Variants in RBFOX1 observed in about 807,000 individuals in gnomAD.
RBFOX1 encodes RNA binding fox-1 homolog 1, also known as RNA binding protein fox-1 homolog 1.
RBFOX1 carries 8 observed loss-of-function variants against 57.7 expected under a neutral mutation model. The observed-to-expected ratio is 0.14, with a 90% CI of 0.08 to 0.25. The LOEUF is 0.25. Among genes scored for constraint, RBFOX1 ranks in the 10% least tolerant of loss-of-function variants. The pLI is 1.00. For missense variants in RBFOX1, 611 were observed against 548.5 expected (o/e 1.11, Z -1.14); for synonymous variants, 326 against 222.4 (o/e 1.47, Z -4.15).
intron 10 of RBFOX1, chr16:7,614,584 C>T (rs1055451860): frequency 6.6e-6 from 1 of 152,156 alleles, no homozygotes; most frequent in Admixed American, 6.6e-5. Context: ...ACTGCTCCCC[C>T]CAAAAGCAGG....
rs2084162752 is a variant in RBFOX1, at chr16:7,712,580, T to C, written c.*1835T>C. The C allele has an allele frequency of 1.3e-5, 2 of 152,640 alleles. No individual in the cohort carries two copies. Among genetic ancestry groups the C allele is most frequent in the Admixed American group, 6.5e-5 (1 of 15,292 alleles). 9.5% of individuals were successfully genotyped at this position (152,640 alleles called of 1,614,324 possible). On this transcript the variant is annotated 3_prime_UTR_variant, in exon 16 of 16. Coordinates refer to ENST00000550418, the MANE Select transcript of RBFOX1 (RefSeq NM_018723.4). ...AAAAGGGGGAGGGGGGAGCTACTTA[T>C]CAGCCAAAAGCATATAAAGTGTTCT...
chr16:6,543,604 T>C (rs760590554), intron 2 of RBFOX1, among the ~76,000 whole-genome samples: 5 of 152,192 alleles, frequency 3.3e-5, no homozygotes, highest in African/African-American at 4.8e-5. Context: ...GCTGTTGTTT[T>C]GTTTTCCACT....
chr16:6,207,404 C>T (rs1306712307), intron 1 of RBFOX1, among the ~76,000 whole-genome samples: 1 of 152,184 alleles, frequency 6.6e-6, no homozygotes, highest in Non-Finnish European at 1.5e-5. Context: ...AGCTAAACGA[C>T]AAGATTAGGA....
At chr16:5,746,382 A>G (rs1401672220) in intron 3 of RBFOX1, among the ~76,000 whole-genome samples, 1 of 152,300 alleles carries the variant, frequency 6.6e-6, no homozygotes, top group African/African-American at 2.4e-5. Flanking sequence ...TGATGCTTCC[A>G]GCTTTGTTCT....
intron 1 of RBFOX1, among the ~76,000 whole-genome samples, chr16:5,356,811 C>T (rs1021850670): frequency 2.6e-5 from 4 of 152,048 alleles, no homozygotes; most frequent in African/African-American, 7.2e-5. Context: ...TAGTTGACAT[C>T]GTTGTTGTCA....
At chr16:6,801,782 C>G (rs1329958456) in intron 3 of RBFOX1, among the ~76,000 whole-genome samples, 3 of 152,064 alleles carry the variant, frequency 2.0e-5, no homozygotes, top group Non-Finnish European at 2.9e-5. Flanking sequence ...TATTGCCAGA[C>G]CGACTCAAAA....
At chr16:6,625,157 T>TAAAAA (rs34634402) in intron 2 of RBFOX1, among the ~76,000 whole-genome samples, 9 of 56,340 alleles carry the variant, frequency 1.6e-4, no homozygotes, top group Non-Finnish European at 2.7e-4. Flanking sequence ...CAACCCTATC[T>TAAAAA]AAAAAAAAAA....
At chr16:5,995,885 T>G (rs2060481940) in intron 4 of RBFOX1, among the ~76,000 whole-genome samples, 1 of 152,182 alleles carries the variant, frequency 6.6e-6, no homozygotes, top group Non-Finnish European at 1.5e-5. Context: ...AACAGAGATT[T>G]ATTTCTCACA....
At chr16:7,541,505 G>A (rs1507026) in intron 5 of RBFOX1, among the ~76,000 whole-genome samples, 28,881 of 151,708 alleles carry the variant, frequency 0.19, 2,873 homozygotes, top group East Asian at 0.34. Context: ...AGTGAATTCA[G>A]TGTTCACTGT....
chr16:6,522,993 G>A (rs1445811079), intron 2 of RBFOX1, among the ~76,000 whole-genome samples: 2 of 152,256 alleles, frequency 1.3e-5, no homozygotes, highest in East Asian at 1.9e-4. Context: ...TATCTTTTAG[G>A]CATCAAAGAA....
chr16:7,157,593 T>C (rs1204709696), intron 4 of RBFOX1, among the ~76,000 whole-genome samples: 1 of 151,982 alleles, frequency 6.6e-6, no homozygotes, highest in African/African-American at 2.4e-5. Flanking sequence ...CCGAATAGGG[T>C]CTGGGAGCTC....
chr16:6,193,392 C>CTATATATA (rs55707901), intron 1 of RBFOX1, among the ~76,000 whole-genome samples: 959 of 43,096 alleles, frequency 0.022, 35 homozygotes, highest in East Asian at 0.041. Flanking sequence ...TATATATATA[C>CTATATATA]TATATATATA....
Position 7,049,803 on chromosome 16 carries a change from C to T in RBFOX1, c.-15-2254C>T, listed in dbSNP as rs562922864. Among the ~76,000 whole-genome samples, 30 of 152,288 alleles carry T rather than the reference C, an allele frequency of 2.0e-4. No homozygotes were observed. The South Asian group carries it at 6.2e-3, about 32-fold the overall frequency. On this transcript the variant is annotated intron_variant, in intron 3 of 15. Transcript: ENST00000550418. ...GGAAACAGGATGAAGTGTTTTCGCT[C>T]CATCTTGTCAAGAACCGAAACCTCA...
intron 2 of RBFOX1, among the ~76,000 whole-genome samples, chr16:6,598,849 G>C (rs1467250917): frequency 6.6e-6 from 1 of 152,172 alleles, no homozygotes; most frequent in East Asian, 1.9e-4. Flanking sequence ...GGGAGGCTGA[G>C]GCAGGAGAAT....
intron 4 of RBFOX1, among the ~76,000 whole-genome samples, chr16:7,462,778 CG>C (rs2150589699): frequency 6.6e-6 from 1 of 152,302 alleles, no homozygotes; most frequent in East Asian, 1.9e-4. Context: ...AGAAGCTGCC[CG>C]TATTCCTTCT....
chr16:6,108,340 A>G (rs1427084549), intron 1 of RBFOX1, among the ~76,000 whole-genome samples: 1 of 152,050 alleles, frequency 6.6e-6, no homozygotes, highest in Non-Finnish European at 1.5e-5. Flanking sequence ...GTGACAATGG[A>G]TCTCTGTTTC....
At chr16:6,446,028 G>C (rs1750986410) in intron 2 of RBFOX1, among the ~76,000 whole-genome samples, 1 of 152,094 alleles carries the variant, frequency 6.6e-6, no homozygotes, top group Admixed American at 6.5e-5. Flanking sequence ...GCACTGGCGT[G>C]ATTATAGCTC....
At chr16:7,376,317 A>G (rs557929457) in intron 4 of RBFOX1, among the ~76,000 whole-genome samples, 2 of 152,206 alleles carry the variant, frequency 1.3e-5, no homozygotes, top group East Asian at 1.9e-4. Context: ...AAATTTCTCA[A>G]ATGTATTCCA....
At chr16:6,848,187 T>TG in intron 3 of RBFOX1, among the ~76,000 whole-genome samples, 1 of 151,880 alleles carries the variant, frequency 6.6e-6, no homozygotes, top group South Asian at 2.1e-4. Context: ...AGCCTCCTTG[T>TG]GGGGTGATAC....
Sources: gnomAD v4.1 joint callset for allele counts (sites outside exome capture counted in the v4.1 genomes callset) on GRCh38, gnomAD v4.1.1 for gene constraint, MANE v1.5 for transcripts, NCBI Gene and HGNC (gene_info 2026-07-23, HGNC 2026-07-21) for gene names.